The following ZC4H2 variants were observed in gnomAD, a reference collection of about 807,000 sequenced individuals.
ZC4H2 encodes the protein zinc finger C4H2 domain-containing protein.
For synonymous variants in ZC4H2, 84 were observed against 66.3 expected (o/e 1.27, Z -1.30); for missense variants, 137 against 173.9 (o/e 0.79, Z 1.19).
intron 1 of ZC4H2, among the ~76,000 whole-genome samples, chrX:64,948,783 T>A (rs1394067183): frequency 8.9e-6 from 1 of 112,154 alleles, no homozygotes. Context: ...CAATAAAAAG[T>A]ATTTTTGGTA....
At chrX:65,005,983 G>A (rs1475650651) in intron 1 of ZC4H2, among the ~76,000 whole-genome samples, 3 of 111,901 alleles carry the variant, frequency 2.7e-5, no homozygotes, top group African/African-American at 9.8e-5. Context: ...GGTCTTCAGA[G>A]AAATGCAAAT....
intron 1 of ZC4H2, among the ~76,000 whole-genome samples, chrX:64,945,298 T>C (rs920472480): frequency 8.9e-6 from 1 of 112,651 alleles, no homozygotes; most frequent in African/African-American, 3.2e-5. Flanking sequence ...TTGATGTTAT[T>C]GCTTTGTGTT....
At chrX:64,969,074 G>A (rs934759275) in intron 1 of ZC4H2, among the ~76,000 whole-genome samples, 5 of 111,796 alleles carry the variant, frequency 4.5e-5, no homozygotes, top group African/African-American at 1.6e-4. Context: ...GAGGCTTCAT[G>A]ACTTAATTAC....
At chrX:64,937,819 C>T (rs776241613) in intron 1 of ZC4H2, among the ~76,000 whole-genome samples, 4 of 111,474 alleles carry the variant, frequency 3.6e-5, no homozygotes, top group Non-Finnish European at 7.5e-5. Context: ...TAAATCCCCA[C>T]AAGAGAAAGC....
intron 1 of ZC4H2, among the ~76,000 whole-genome samples, chrX:65,013,024 G>A (rs1932771673): frequency 9.0e-6 from 1 of 111,702 alleles, no homozygotes; most frequent in Non-Finnish European, 1.9e-5. Flanking sequence ...AAAGGGAGCA[G>A]GGGAAGTGAA....
At chrX:64,982,338 G>C (rs1193783994) in intron 1 of ZC4H2, among the ~76,000 whole-genome samples, 5 of 111,889 alleles carry the variant, frequency 4.5e-5, no homozygotes, top group Non-Finnish European at 9.4e-5. Flanking sequence ...CCCAGGCTGG[G>C]GTACTTTAGA....
At chrX:64,951,610 T>C (rs1445478934) in intron 1 of ZC4H2, among the ~76,000 whole-genome samples, 2 of 112,093 alleles carry the variant, frequency 1.8e-5, no homozygotes, top group Non-Finnish European at 3.8e-5. Context: ...TTTTGAGAAG[T>C]GTCTGTTCAT....
intron 1 of ZC4H2, among the ~76,000 whole-genome samples, chrX:65,003,467 C>A (rs548040668): frequency 9.0e-6 from 1 of 111,709 alleles, no homozygotes; most frequent in South Asian, 3.7e-4. Context: ...CACAAAAAAA[C>A]CCTGCAAAAA....
chrX:64,990,761 G>C (rs999806371), intron 1 of ZC4H2, among the ~76,000 whole-genome samples: 1 of 111,115 alleles, frequency 9.0e-6, no homozygotes, highest in Non-Finnish European at 1.9e-5. Flanking sequence ...AATTAATGCT[G>C]TACAGATGGG....
At chrX:64,951,141 A>T (rs966541593) in intron 1 of ZC4H2, among the ~76,000 whole-genome samples, 4 of 112,103 alleles carry the variant, frequency 3.6e-5, no homozygotes, top group African/African-American at 6.5e-5. Context: ...TGAACTCATC[A>T]TTTTTTATGG....
chrX:64,937,231 AG>A (rs371065479), intron 1 of ZC4H2, among the ~76,000 whole-genome samples: 106 of 111,619 alleles, frequency 9.5e-4, no homozygotes, highest in African/African-American at 3.4e-3. Context: ...CAACAAGAGG[AG>A]CTAACTATTC....
intron 1 of ZC4H2, among the ~76,000 whole-genome samples, chrX:64,986,681 G>A (rs1217021776): frequency 9.0e-6 from 1 of 111,004 alleles, no homozygotes; most frequent in Non-Finnish European, 1.9e-5. Context: ...CAGACTTCAG[G>A]TAGTCTCTAA....
intron 1 of ZC4H2, among the ~76,000 whole-genome samples, chrX:64,989,925 G>A (rs1297618419): frequency 8.9e-6 from 1 of 111,816 alleles, no homozygotes. Context: ...TACATTGCAG[G>A]TGAGCATGCA....
At position 64,967,468 on chromosome X, in the gene ZC4H2, A is replaced by G. The variant is rs778287946; in HGVS notation, c.53+8857T>C. 4.5e-5 allele frequency among the ~76,000 whole-genome samples: 5 copies of G among 112,165 alleles called. No individual in the cohort carries two copies. In the South Asian group the frequency reaches 1.1e-3, roughly 25 times the overall value. ...GTGCGCTGGTTCTTGTGGATGAATGATAAGATCCCTTCCTTCAAATAAAAT... is the reference window on the plus strand; with the variant it reads ...GTGCGCTGGTTCTTGTGGATGAATGGTAAGATCCCTTCCTTCAAATAAAAT... On this transcript the variant is annotated intron_variant, in intron 1 of 4. Transcript: ENST00000374839.
At chrX:64,942,057 C>A (rs949390076) in intron 1 of ZC4H2, among the ~76,000 whole-genome samples, 2 of 111,465 alleles carry the variant, frequency 1.8e-5, no homozygotes, top group Non-Finnish European at 3.8e-5. Flanking sequence ...TTAATTATTG[C>A]CTCATTTTCA....
intron 1 of ZC4H2, among the ~76,000 whole-genome samples, chrX:65,028,044 G>A (rs906781151): frequency 9.0e-6 from 1 of 111,696 alleles, no homozygotes; most frequent in Non-Finnish European, 1.9e-5. Flanking sequence ...ACTTTCAATA[G>A]GAAGAAATCT....
intron 1 of ZC4H2, among the ~76,000 whole-genome samples, chrX:64,939,211 C>A (rs576154306): frequency 9.0e-6 from 1 of 111,473 alleles, no homozygotes; most frequent in African/African-American, 3.3e-5. Flanking sequence ...GAATAAAATA[C>A]CTAGGAATAC....
chrX:64,990,590 G>T (rs374281885), intron 1 of ZC4H2, among the ~76,000 whole-genome samples: 1 of 111,693 alleles, frequency 9.0e-6, no homozygotes, highest in Non-Finnish European at 1.9e-5. Context: ...AAAATAACAA[G>T]TTACCTAAGA....
intron 1 of ZC4H2, among the ~76,000 whole-genome samples, chrX:64,937,284 A>C (rs969006012): frequency 3.6e-5 from 4 of 111,235 alleles, no homozygotes; most frequent in African/African-American, 1.3e-4. Context: ...CAGATTCATA[A>C]AGCAAGTTCT....
Sources: gnomAD v4.1 joint callset for allele counts (sites outside exome capture counted in the v4.1 genomes callset) on GRCh38, gnomAD v4.1.1 for gene constraint, MANE v1.5 for transcripts, NCBI Gene and HGNC (gene_info 2026-07-23, HGNC 2026-07-21) for gene names.